Variants in ITGA4 observed in about 807,000 individuals in gnomAD.
ITGA4 encodes the protein integrin subunit alpha 4.
ITGA4 carries 63 observed loss-of-function variants against 133.6 expected under a neutral mutation model. The ratio of observed to expected loss-of-function variants is 0.47; its 90% CI spans 0.38 to 0.58. The LOEUF is 0.58. Among genes scored for constraint, ITGA4 ranks in the 20% least tolerant of loss-of-function variants. The pLI is 0.00. For missense variants in ITGA4, 1,076 were observed against 1,252.7 expected, an observed-to-expected ratio of 0.86 and a Z score of 2.13; for synonymous variants, 483 against 438.0, an observed-to-expected ratio of 1.10 and a Z score of -1.28.
intron 2 of ITGA4, among the ~76,000 whole-genome samples, chr2:181,470,472 T>C (rs183963778): frequency 6.7e-4 from 102 of 152,268 alleles, no homozygotes; most frequent in African/African-American, 2.4e-3. Flanking sequence ...AAAAAAATTC[T>C]TATGTCTGGT....
chr2:181,485,752 A>G, intron 9 of ITGA4, 129 bp from the exon 10 acceptor site: 1 of 693,550 alleles, frequency 1.4e-6, no homozygotes, highest in Non-Finnish European at 2.5e-6. Context: ...GTGTGTACTA[A>G]AGCTCAGTCT....
At chr2:181,496,849 C>A (rs1686167649) in intron 14 of ITGA4, among the ~76,000 whole-genome samples, 1 of 152,058 alleles carries the variant, frequency 6.6e-6, no homozygotes, top group Admixed American at 6.6e-5. Context: ...GTATTCATGA[C>A]CCTGCAGGCT....
intron 2 of ITGA4, among the ~76,000 whole-genome samples, chr2:181,466,856 A>C (rs570091242): frequency 5.9e-5 from 9 of 152,206 alleles, no homozygotes; most frequent in Admixed American, 3.9e-4. Context: ...AAAGCACCAT[A>C]ATGCACGTAC....
At chr2:181,504,953 G>T (rs1461710146) in intron 15 of ITGA4, among the ~76,000 whole-genome samples, 1 of 151,646 alleles carries the variant, frequency 6.6e-6, no homozygotes, top group Non-Finnish European at 1.5e-5. Context: ...AGATGGTGAT[G>T]GTTCAGGTAC....
At chr2:181,460,418 G>A (rs1418916009) in intron 2 of ITGA4, among the ~76,000 whole-genome samples, 1 of 152,180 alleles carries the variant, frequency 6.6e-6, no homozygotes, top group East Asian at 1.9e-4. Context: ...AATAGGGATT[G>A]AGGCTACAGT....
intron 17 of ITGA4, among the ~76,000 whole-genome samples, chr2:181,514,739 T>C (rs1686573231): frequency 6.6e-6 from 1 of 152,102 alleles, no homozygotes; most frequent in African/African-American, 2.4e-5. Context: ...TCACCTTTCA[T>C]TGCAGTCTCT....
Position 181,534,846 on chromosome 2 carries a change from C to T in ITGA4, c.2914C>T (p.Pro972Ser), listed in dbSNP as rs1687024490. ...VLLEGLHHQR[P>S]KRYFTIVIIS... ...ACTGGAAGGACTACATCATCAAAGA[C>T]CCAAACGTTATTTCACCATAGTGAT... The change falls in exon 27 of 28, where the codon CCC becomes TCC. Residue 972 changes from proline (P) to serine (S), a missense_variant. Pro to Ser is a moderately conservative substitution (Grantham distance 74, BLOSUM62 -1). Coordinates refer to ENST00000397033, the MANE Select transcript of ITGA4 (RefSeq NM_000885.6). 2 of 1,599,422 alleles carry T rather than the reference C, an allele frequency of 1.3e-6. No homozygotes were observed. The highest frequency in any genetic ancestry group is 8.5e-7 in the Non-Finnish European group (1 of 1,175,454).
intron 15 of ITGA4, among the ~76,000 whole-genome samples, chr2:181,508,814 G>T (rs1686444716): frequency 6.6e-6 from 1 of 151,878 alleles, no homozygotes; most frequent in African/African-American, 2.4e-5. Flanking sequence ...ATACCATTCA[G>T]TATCTGTTAG....
At chr2:181,511,622 TGTC>T (rs1431426069) in intron 16 of ITGA4, 74 bp from the exon 17 acceptor site, 11 of 727,422 alleles carry the variant, frequency 1.5e-5, no homozygotes, top group African/African-American at 1.1e-4. Context: ...GCATCACAGG[TGTC>T]GTCATCTTTA....
intron 10 of ITGA4, 36 bp from the exon 11 acceptor site, chr2:181,493,289 A>G (rs764438408): frequency 5.6e-6 from 8 of 1,435,448 alleles, no homozygotes; most frequent in Non-Finnish European, 7.8e-6. Flanking sequence ...CTTTGTATCA[A>G]GAATTTATTT....
At chr2:181,519,647 G>A (rs1041509219) in intron 17 of ITGA4, among the ~76,000 whole-genome samples, 1 of 152,096 alleles carries the variant, frequency 6.6e-6, no homozygotes, top group Non-Finnish European at 1.5e-5. Flanking sequence ...ATGGTCATAT[G>A]ATGCCATTAA....
intron 10 of ITGA4, among the ~76,000 whole-genome samples, chr2:181,487,003 A>G (rs207462697): frequency 2.0e-5 from 3 of 152,216 alleles, no homozygotes; most frequent in African/African-American, 4.8e-5. Context: ...TATTCTACAT[A>G]AAAAGTCAGT....
chr2:181,524,341 A>G (rs1686790054), intron 20 of ITGA4, 91 bp downstream of exon 20: 1 of 704,270 alleles, frequency 1.4e-6, no homozygotes, highest in Admixed American at 3.3e-5. Context: ...GTGTTCCATT[A>G]ATTGTAAGAG....
intron 2 of ITGA4, chr2:181,458,994 C>T (rs1685203261): frequency 6.6e-6 from 1 of 152,266 alleles, no homozygotes; most frequent in African/African-American, 2.4e-5. Context: ...TTTCATGTTT[C>T]AAAGCCAAAG....
chr2:181,488,886 G>T (rs903909009), intron 10 of ITGA4, among the ~76,000 whole-genome samples: 5 of 152,000 alleles, frequency 3.3e-5, no homozygotes. Flanking sequence ...CTTCTATTTT[G>T]CCCATGAGTA....
rs183953646 is a variant in ITGA4 at position 181,485,681 on chromosome 2, G to A, written c.1042-200G>A. Among the ~76,000 whole-genome samples the A allele has an allele frequency of 7.9e-5, 12 of 152,192 alleles. No individual in the cohort carries two copies. In the East Asian group the frequency reaches 1.5e-3, roughly 20 times the overall value. ...TTGACAATTTTTTATGTCCTCTGAG[G>A]TCTAATCATACTATTATGTGTTGAC... is the stretch of plus-strand genomic sequence containing the variant. On this transcript the variant is annotated intron_variant, in intron 9 of 27. Transcript: ENST00000397033.
intron 15 of ITGA4, among the ~76,000 whole-genome samples, chr2:181,506,297 A>AT (rs1484668005): frequency 3.9e-5 from 6 of 152,098 alleles, no homozygotes; most frequent in Non-Finnish European, 8.8e-5. Context: ...TATACCTGAA[A>AT]TTTGAAGCAA....
At chr2:181,467,644 T>C (rs1388885720) in intron 2 of ITGA4, among the ~76,000 whole-genome samples, 1 of 152,128 alleles carries the variant, frequency 6.6e-6, no homozygotes, top group Admixed American at 6.5e-5. Flanking sequence ...TGAAAGTCGA[T>C]TGTACAGTCT....
chr2:181,458,256 G>C lies in ITGA4; in HGVS notation c.258G>C (p.Gly86=), dbSNP rs1685181496. The part of the protein sequence containing the change: ...WLANASVINP[G]AIYRCRIGKN... ...CCAACGCTTCAGTGATCAATCCCGG[G>C]GCGATTTACAGATGCAGGATCGGAA... Residue 86 remains glycine, a synonymous_variant, in exon 2 of 28, where the codon GGG becomes GGC. Transcript: ENST00000397033. 1 of 1,613,510 alleles carries C rather than the reference G, an allele frequency of 6.2e-7. No individual in the cohort carries two copies. The highest frequency in any genetic ancestry group is 1.7e-5 in the Admixed American group (1 of 59,962).
Sources: allele counts gnomAD v4.1 joint callset (sites outside exome capture counted in the v4.1 genomes callset), GRCh38; gene constraint gnomAD v4.1.1; transcripts MANE v1.5; gene names NCBI Gene and HGNC (gene_info 2026-07-23, HGNC 2026-07-21).